SUPT3H: variants seen among roughly 807,000 people sequenced by gnomAD.
SUPT3H encodes transcription initiation protein SPT3 homolog.
Under a neutral mutation model 44.3 loss-of-function variants are expected in SUPT3H, and 44 were observed. The observed-to-expected ratio is 0.99, with a 90% confidence interval of 0.78 to 1.28. The LOEUF (loss-of-function observed/expected upper bound fraction) is 1.28. SUPT3H is among the 50% of genes most tolerant of loss of function. The probability of loss-of-function intolerance (pLI) is 0.00; values close to 1 mark genes in which losing one functional copy is unlikely to be tolerated. For synonymous variants in SUPT3H, 124 were observed against 125.6 expected, an observed-to-expected ratio of 0.99 and a Z score of 0.09; for missense variants, 380 against 387.1, an observed-to-expected ratio of 0.98 and a Z score of 0.15.
At chr6:45,013,677 A>T (rs1253040982) in intron 5 of SUPT3H, among the ~76,000 whole-genome samples, 1 of 152,090 alleles carries the variant, frequency 6.6e-6, no homozygotes, top group Non-Finnish European at 1.5e-5. Flanking sequence ...GTTAAGTGAG[A>T]AAAGGGAGCC....
chr6:45,033,052 G>A (rs1162860989), intron 3 of SUPT3H, among the ~76,000 whole-genome samples: 1 of 152,000 alleles, frequency 6.6e-6, no homozygotes, highest in Non-Finnish European at 1.5e-5. Flanking sequence ...TAAATATAGA[G>A]AAGATTGTAC....
At chr6:45,102,998 A>G (rs992867278) in intron 3 of SUPT3H, among the ~76,000 whole-genome samples, 1 of 152,158 alleles carries the variant, frequency 6.6e-6, no homozygotes, top group African/African-American at 2.4e-5. Flanking sequence ...TGATCTTAAT[A>G]GGCAAATGGA....
chr6:45,335,260 T>C (rs547619985), intron 2 of SUPT3H, among the ~76,000 whole-genome samples: 102 of 151,416 alleles, frequency 6.7e-4, no homozygotes, highest in African/African-American at 2.1e-3. Context: ...AAAGATATAA[T>C]TTTACTAAAT....
intron 2 of SUPT3H, among the ~76,000 whole-genome samples, chr6:45,306,250 T>A (rs1041069697): frequency 6.6e-6 from 1 of 152,084 alleles, no homozygotes; most frequent in African/African-American, 2.4e-5. Flanking sequence ...CCAAAACGAA[T>A]CCATGCTCAG....
chr6:45,285,892 C>A (rs924414880), intron 2 of SUPT3H, among the ~76,000 whole-genome samples: 1 of 152,060 alleles, frequency 6.6e-6, no homozygotes, highest in Non-Finnish European at 1.5e-5. Flanking sequence ...GGTACCAAAA[C>A]AGAGGATATA....
intron 3 of SUPT3H, among the ~76,000 whole-genome samples, chr6:45,046,620 C>T (rs763378839): frequency 2.0e-5 from 3 of 152,200 alleles, no homozygotes; most frequent in Non-Finnish European, 4.4e-5. Flanking sequence ...CGTGAGCCAC[C>T]GCTCTCAGCC....
At chr6:45,101,420 C>T (rs1259370990) in intron 3 of SUPT3H, among the ~76,000 whole-genome samples, 11 of 152,108 alleles carry the variant, frequency 7.2e-5, no homozygotes, top group Admixed American at 2.0e-4. Flanking sequence ...AGCGAAACTC[C>T]GTCTCCAAAA....
Position 45,014,905 on chromosome 6 carries a change from A to G in SUPT3H, c.274-14T>C. 7.0e-7 allele frequency: 1 copy of G among 1,435,706 alleles called. No individual in the cohort carries two copies. The highest frequency in any genetic ancestry group is 9.3e-7 in the Non-Finnish European group (1 of 1,075,254). The allele number at this position is 1,435,706 out of a possible 1,614,324, so 88.9% of individuals were successfully genotyped here. ...TCTAAGTTTTTTCTATTAAAAATAT[A>G]AAATAAGTAAATAAGAAAACCTATA... On this transcript the variant is annotated splice_polypyrimidine_tract_variant and intron_variant, in intron 4 of 10. Coordinates refer to ENST00000371459, the MANE Select transcript of SUPT3H (RefSeq NM_003599.4).
At chr6:45,278,924 T>TA (rs1303702507) in intron 2 of SUPT3H, among the ~76,000 whole-genome samples, 4 of 152,152 alleles carry the variant, frequency 2.6e-5, no homozygotes. Flanking sequence ...ATTTAATTGA[T>TA]AGAGTAGATA....
At chr6:44,975,724 G>A (rs1285109093) in intron 6 of SUPT3H, among the ~76,000 whole-genome samples, 1 of 151,478 alleles carries the variant, frequency 6.6e-6, no homozygotes, top group East Asian at 1.9e-4. Context: ...AAACACTATT[G>A]GGAAAAAAAT....
intron 6 of SUPT3H, among the ~76,000 whole-genome samples, chr6:44,971,406 G>T (rs940108645): frequency 6.6e-6 from 1 of 152,092 alleles, no homozygotes; most frequent in Non-Finnish European, 1.5e-5. Flanking sequence ...CCACAGAACT[G>T]GGGAGGCCTC....
chr6:45,023,590 G>A (rs1785491598), intron 3 of SUPT3H, among the ~76,000 whole-genome samples: 1 of 152,162 alleles, frequency 6.6e-6, no homozygotes, highest in Non-Finnish European at 1.5e-5. Flanking sequence ...ATATTATGCA[G>A]CCACAAAAAA....
chr6:45,285,087 A>G (rs1176683421), intron 2 of SUPT3H, among the ~76,000 whole-genome samples: 197 of 151,900 alleles, frequency 1.3e-3, no homozygotes, highest in African/African-American at 4.4e-3. Flanking sequence ...TTGATGGGAC[A>G]TATCTCAAAA....
At chr6:45,057,442 T>C (rs1791304201) in intron 3 of SUPT3H, among the ~76,000 whole-genome samples, 1 of 151,960 alleles carries the variant, frequency 6.6e-6, no homozygotes, top group Non-Finnish European at 1.5e-5. Flanking sequence ...GGTATTGTGA[T>C]GACACAAAAC....
chr6:45,327,269 T>C (rs1786515259), intron 2 of SUPT3H, among the ~76,000 whole-genome samples: 1 of 151,878 alleles, frequency 6.6e-6, no homozygotes. Flanking sequence ...AAGCTTCCAT[T>C]AGAAACAAAA....
chr6:45,167,347 G>A (rs1178651129), intron 2 of SUPT3H, among the ~76,000 whole-genome samples: 1 of 152,148 alleles, frequency 6.6e-6, no homozygotes, highest in Non-Finnish European at 1.5e-5. Flanking sequence ...CTTTACACCT[G>A]GCTCCACTGC....
chr6:45,316,993 A>T (rs1284706965), intron 2 of SUPT3H, among the ~76,000 whole-genome samples: 2 of 152,162 alleles, frequency 1.3e-5, no homozygotes, highest in East Asian at 3.9e-4. Context: ...TTAGGAGGCC[A>T]AGGTGGGCGG....
chr6:45,235,917 A>C (rs2153643686), intron 2 of SUPT3H, among the ~76,000 whole-genome samples: 1 of 152,274 alleles, frequency 6.6e-6, no homozygotes, highest in South Asian at 2.1e-4. Flanking sequence ...GGCTTTCCTA[A>C]ACCACAAATA....
chr6:45,080,841 A>G (rs1416720243), intron 3 of SUPT3H, among the ~76,000 whole-genome samples: 1 of 151,998 alleles, frequency 6.6e-6, no homozygotes, highest in Non-Finnish European at 1.5e-5. Flanking sequence ...AGAAAGAATA[A>G]ATAAGGTCTA....
Sources: gnomAD v4.1 joint callset for allele counts (sites outside exome capture counted in the v4.1 genomes callset) on GRCh38, gnomAD v4.1.1 for gene constraint, MANE v1.5 for transcripts, NCBI Gene and HGNC (gene_info 2026-07-23, HGNC 2026-07-21) for gene names.